DENND4A: variants seen among roughly 807,000 people sequenced by gnomAD.
The protein encoded by DENND4A is C-myc promoter-binding protein.
A neutral mutation model predicts 199.3 loss-of-function variants in DENND4A; 70 were observed. That is an observed-to-expected ratio of 0.35 (90% CI 0.29 to 0.43). The LOEUF (loss-of-function observed/expected upper bound fraction) is 0.43. Among genes scored for constraint, DENND4A ranks in the 20% least tolerant of loss-of-function variants. The pLI is 1.00. For synonymous variants in DENND4A, 686 were observed against 766.9 expected (o/e 0.89, Z 1.74); for missense variants, 1,723 against 2,255.8 (o/e 0.76, Z 4.78).
rs773730669 is a variant in DENND4A at position 65,668,096 on chromosome 15, G to A, written c.4815C>T (p.Cys1605=). The change falls in exon 28 of 33, where the codon TGC becomes TGT. Residue 1605 remains cysteine (C), a synonymous_variant. Transcript: ENST00000443035. The part of the protein sequence containing the change: ...NSKSKLQENF[C]TRSIQIPANR... The stretch of plus-strand genomic sequence containing the variant: ...TAGCAGGGATCTGAATACTTCGGGT[G>A]CAAAAATTTTCCTGCAGTTTAGATT... 1.4e-5 allele frequency: 22 copies of A among 1,578,056 alleles called. No individual in the cohort carries two copies. The highest frequency in any genetic ancestry group is 1.8e-5 in the Non-Finnish European group (21 of 1,170,480).
At chr15:65,729,734 A>C (rs931610361) in intron 9 of DENND4A, 56 bp from the exon 10 acceptor site, 5 of 1,474,672 alleles carry the variant, frequency 3.4e-6, no homozygotes, top group Non-Finnish European at 4.5e-6. Context: ...ACACCTCATT[A>C]TCTAAAACAA....
At chr15:65,773,859 T>C (rs2077207897) in intron 1 of DENND4A, among the ~76,000 whole-genome samples, 2 of 152,102 alleles carry the variant, frequency 1.3e-5, no homozygotes, top group Non-Finnish European at 2.9e-5. Context: ...TTAGGGGTTT[T>C]TTTGTTTGTT....
In DENND4A at chr15:65,722,922, C is replaced by A; in HGVS notation, c.1514G>T (p.Trp505Leu). Residue 505 changes from tryptophan (W) to leucine (L), a missense_variant, in exon 12 of 33, where the codon TGG (tryptophan) becomes TTG (leucine). Physicochemically the swap from Trp to Leu is moderately conservative, Grantham distance 61. This residue lies in a region of DENND4A where 725 missense variants were observed against 952.9 expected (regional missense o/e 0.76). Transcript: ENST00000443035. The stretch of plus-strand genomic sequence containing the variant: ...ACATGGCTTCTTTGGAAGTATCTTC[C>A]AGGCTACATTTTTCTTGTCACCAAT... ...SQIGDKKNVA[W>L]KILPKKPCKN... The A allele has an allele frequency of 1.2e-6, 2 of 1,607,674 alleles. No individual in the cohort carries two copies. The highest frequency in any genetic ancestry group is 3.3e-4 in the Middle Eastern group (2 of 6,038).
chr15:65,765,640 T>A (rs1392676961), intron 1 of DENND4A, among the ~76,000 whole-genome samples: 2 of 152,212 alleles, frequency 1.3e-5, no homozygotes, highest in African/African-American at 2.4e-5. Context: ...TGCAGTTTTA[T>A]CACATGTGCA....
chr15:65,723,226 T>C (rs1596528230), intron 11 of DENND4A, among the ~76,000 whole-genome samples: 1 of 152,192 alleles, frequency 6.6e-6, no homozygotes, highest in South Asian at 2.1e-4. Context: ...ATCTTGCTAA[T>C]CACCATAAAG....
chr15:65,703,496 C>T (rs2074943643), intron 15 of DENND4A, among the ~76,000 whole-genome samples: 2 of 152,144 alleles, frequency 1.3e-5, no homozygotes, highest in Non-Finnish European at 2.9e-5. Context: ...GCACACCAGG[C>T]CTTGCTCTCA....
chr15:65,753,311 C>A (rs1319321601), intron 3 of DENND4A, among the ~76,000 whole-genome samples: 1 of 152,052 alleles, frequency 6.6e-6, no homozygotes, highest in Non-Finnish European at 1.5e-5. Flanking sequence ...TACTTTAATG[C>A]CAAGTCCTTG....
At chr15:65,754,602 G>C (rs1190976314) in intron 3 of DENND4A, among the ~76,000 whole-genome samples, 1 of 152,100 alleles carries the variant, frequency 6.6e-6, no homozygotes, top group Non-Finnish European at 1.5e-5. Context: ...TTAAAAATGG[G>C]GAAAGGATCT....
chr15:65,787,673 A>T (rs981979789), intron 1 of DENND4A, among the ~76,000 whole-genome samples: 1 of 152,212 alleles, frequency 6.6e-6, no homozygotes, highest in African/African-American at 2.4e-5. Flanking sequence ...TCCCATGAAG[A>T]AAGTTACAAA....
At chr15:65,695,741 G>A (rs980263077) in intron 22 of DENND4A, among the ~76,000 whole-genome samples, 2 of 151,988 alleles carry the variant, frequency 1.3e-5, no homozygotes, top group African/African-American at 4.8e-5. Context: ...CCCTAAAAAT[G>A]GTCTGGTAAA....
chr15:65,756,666 G>A (rs186535369), intron 2 of DENND4A, among the ~76,000 whole-genome samples, 194 bp from the exon 3 acceptor site: 10 of 152,272 alleles, frequency 6.6e-5, no homozygotes, highest in African/African-American at 2.2e-4. Flanking sequence ...TATTATAAAA[G>A]TAATGGATGA....
chr15:65,736,349 C>T (rs1439276540), intron 7 of DENND4A, among the ~76,000 whole-genome samples: 1 of 152,070 alleles, frequency 6.6e-6, no homozygotes, highest in Non-Finnish European at 1.5e-5. Flanking sequence ...ACCTCCGCCT[C>T]CCAGGTTTAA....
intron 15 of DENND4A, among the ~76,000 whole-genome samples, chr15:65,704,840 C>T (rs2074997909): frequency 6.6e-6 from 1 of 152,164 alleles, no homozygotes; most frequent in Non-Finnish European, 1.5e-5. Flanking sequence ...GATCCGCCCA[C>T]CTCAGCCTCC....
At chr15:65,784,878 T>C (rs2077526168) in intron 1 of DENND4A, among the ~76,000 whole-genome samples, 1 of 152,156 alleles carries the variant, frequency 6.6e-6, no homozygotes, top group African/African-American at 2.4e-5. Context: ...CGGGCAATGG[T>C]GTCTCATGCC....
chr15:65,720,697 C>T (rs1239346041), intron 12 of DENND4A, among the ~76,000 whole-genome samples: 1 of 151,492 alleles, frequency 6.6e-6, no homozygotes, highest in Non-Finnish European at 1.5e-5. Context: ...CAGGTATGAG[C>T]CACTACGCCC....
At position 65,696,398 on chromosome 15, in the gene DENND4A, T is replaced by C; in HGVS notation, c.3050A>G (p.Asn1017Ser). 1 of 1,612,608 alleles carries C rather than the reference T, an allele frequency of 6.2e-7. No individual in the cohort carries two copies. The highest frequency in any genetic ancestry group is 8.5e-7 in the Non-Finnish European group (1 of 1,178,930). The change falls in exon 22 of 33, where the codon AAC becomes AGC. Residue 1017 changes from asparagine (N) to serine (S), a missense_variant. Asn to Ser is a conservative substitution (Grantham distance 46). This residue lies in a region of DENND4A where 650 missense variants were observed against 738.1 expected (regional missense o/e 0.88). Transcript: ENST00000443035. ...SIVRLTGTSNNSAGKISGESM... is the reference protein window; with the variant it reads ...SIVRLTGTSNSSAGKISGESM... ...TTCTCCTGATATTTTACCAGCACTG[T>C]TGTTACTTGTACCAGTGAGGCGAAC...
chr15:65,722,995 G>A (rs769622017), intron 11 of DENND4A, 47 bp from the exon 12 acceptor site: 2 of 1,448,014 alleles, frequency 1.4e-6, no homozygotes, highest in South Asian at 2.6e-5. Context: ...TGGTCTTTTG[G>A]AGGGGAAAGG....
chr15:65,766,576 A>C (rs1010703789), intron 1 of DENND4A: 3 of 152,182 alleles, frequency 2.0e-5, no homozygotes, highest in African/African-American at 7.2e-5. Flanking sequence ...TTTTGTATCC[A>C]CAAGTTCTCA....
At position 65,690,898 on chromosome 15, in the gene DENND4A, ATCC is replaced by A. The variant is rs1659469200; in HGVS notation, c.3693_3695del (p.Glu1231del). 6.2e-6 allele frequency: 10 copies of A among 1,609,092 alleles called. No individual in the cohort carries two copies. The highest frequency in any genetic ancestry group is 8.5e-6 in the Non-Finnish European group (10 of 1,177,690). On this transcript the variant is annotated inframe_deletion, in exon 23 of 33. Transcript: ENST00000443035. ...TTGAAATGCTTTTGCTATCATCTTC[ATCC>A]TCCTCCTCTTCTTCTTTTTGCTGCT...
Sources: gnomAD v4.1 joint callset for allele counts (sites outside exome capture counted in the v4.1 genomes callset) on GRCh38, gnomAD v4.1.1 for gene constraint, gnomAD v4.1.1 regional missense constraint, MANE v1.5 for transcripts, NCBI Gene and HGNC (gene_info 2026-07-23, HGNC 2026-07-21) for gene names.